Variants in LRP1B observed in about 807,000 individuals in gnomAD.
LRP1B encodes the protein LDL receptor related protein 1B, also known as low-density lipoprotein receptor-related protein 1B.
LRP1B carries 217 observed loss-of-function variants against 556.6 expected under a neutral mutation model. The ratio of observed to expected loss-of-function variants is 0.39; its 90% CI spans 0.35 to 0.44. LRP1B has a LOEUF of 0.44. Among genes scored for constraint, LRP1B ranks in the 20% least tolerant of loss-of-function variants. LRP1B has a pLI of 1.00. For missense variants in LRP1B, 5,053 were observed against 5,620.8 expected, an observed-to-expected ratio of 0.90 and a Z score of 3.23; for synonymous variants, 2,047 against 1,865.8, an observed-to-expected ratio of 1.10 and a Z score of -2.50.
intron 1 of LRP1B, among the ~76,000 whole-genome samples, chr2:141,871,965 A>G (rs903907084): frequency 6.6e-6 from 1 of 152,008 alleles, no homozygotes; most frequent in African/African-American, 2.4e-5. Context: ...GCTAAAACAG[A>G]TCACAGTGGG....
At chr2:140,715,496 A>T (rs1574274042) in intron 37 of LRP1B, among the ~76,000 whole-genome samples, 1 of 152,092 alleles carries the variant, frequency 6.6e-6, no homozygotes, top group South Asian at 2.1e-4. Context: ...CAAAACAGTT[A>T]GTTATACTTA....
At chr2:141,532,507 T>C in intron 2 of LRP1B, among the ~76,000 whole-genome samples, 1 of 144,470 alleles carries the variant, frequency 6.9e-6, no homozygotes, top group Admixed American at 6.9e-5. Context: ...AAGTCATTTT[T>C]ATTTTTTTTT....
chr2:140,854,060 T>TTAAAAAAAA (rs1559157728), intron 27 of LRP1B, among the ~76,000 whole-genome samples: 1 of 108,820 alleles, frequency 9.2e-6, no homozygotes, highest in Non-Finnish European at 2.0e-5. Context: ...CATATCTGAA[T>TTAAAAAAAA]AAAAAAAAAA....
chr2:141,449,291 C>T (rs1053421745), intron 3 of LRP1B, among the ~76,000 whole-genome samples: 11 of 152,118 alleles, frequency 7.2e-5, no homozygotes, highest in African/African-American at 1.4e-4. Flanking sequence ...ATTTCAATTA[C>T]AATGTTATGA....
intron 7 of LRP1B, among the ~76,000 whole-genome samples, chr2:141,132,379 C>T (rs1701380677): frequency 6.6e-6 from 1 of 151,878 alleles, no homozygotes; most frequent in African/African-American, 2.4e-5. Context: ...AGCCAGGATG[C>T]CCCTTAGATT....
intron 66 of LRP1B, among the ~76,000 whole-genome samples, chr2:140,429,472 G>T (rs544449101): frequency 1.3e-5 from 2 of 151,930 alleles, no homozygotes; most frequent in Non-Finnish European, 2.9e-5. Flanking sequence ...ACCCATCAGG[G>T]TCAGCAAATT....
At chr2:142,044,250 C>T (rs1021662858) in intron 1 of LRP1B, among the ~76,000 whole-genome samples, 22 of 151,686 alleles carry the variant, frequency 1.5e-4, no homozygotes, top group Admixed American at 1.1e-3. Context: ...TTCTTCTATC[C>T]GTGGGTGAAT....
intron 2 of LRP1B, among the ~76,000 whole-genome samples, chr2:141,503,406 C>T (rs1200994232): frequency 5.9e-5 from 9 of 151,488 alleles, no homozygotes; most frequent in Non-Finnish European, 1.0e-4. Flanking sequence ...AGTTTCCAAC[C>T]GTTGGTGATA....
intron 1 of LRP1B, among the ~76,000 whole-genome samples, chr2:142,033,331 A>G (rs960777839): frequency 6.6e-5 from 10 of 151,662 alleles, no homozygotes; most frequent in Admixed American, 3.3e-4. Context: ...GTCTATCTTT[A>G]AATGTTGTCA....
intron 62 of LRP1B, among the ~76,000 whole-genome samples, chr2:140,454,242 G>A (rs1686999145): frequency 6.6e-6 from 1 of 152,034 alleles, no homozygotes; most frequent in Non-Finnish European, 1.5e-5. Flanking sequence ...TCCGCCTTCT[G>A]GGTTCAAGCA....
chr2:141,158,766 C>T lies in LRP1B; in HGVS notation c.1013+29655G>A, dbSNP rs116712898. On this transcript the variant is annotated intron_variant, in intron 7 of 90. Coordinates refer to ENST00000389484, the MANE Select transcript of LRP1B (RefSeq NM_018557.3). ...AGAATATTCCTCTGATTTCCAGTCTCGGAGAACATTACAAGTAGCATTGAA... is the reference window on the plus strand; with the variant it reads ...AGAATATTCCTCTGATTTCCAGTCTTGGAGAACATTACAAGTAGCATTGAA... Among the ~76,000 whole-genome samples the T allele has an allele frequency of 1.3e-3, 195 of 152,146 alleles. 1 individual carries two copies. Among genetic ancestry groups the T allele is most frequent in the African/African-American group, 3.6e-3 (151 of 41,518 alleles).
At chr2:142,030,725 T>C (rs1451388250) in intron 1 of LRP1B, among the ~76,000 whole-genome samples, 1 of 151,832 alleles carries the variant, frequency 6.6e-6, no homozygotes, top group Admixed American at 6.6e-5. Context: ...GTAAGATTTT[T>C]ATTAGAGATG....
intron 87 of LRP1B, among the ~76,000 whole-genome samples, chr2:140,244,352 A>G (rs1217331719): frequency 6.6e-6 from 1 of 151,324 alleles, no homozygotes; most frequent in Non-Finnish European, 1.5e-5. Context: ...TTGTCACTAT[A>G]GTAAAATACA....
intron 7 of LRP1B, among the ~76,000 whole-genome samples, chr2:141,131,521 C>G (rs1229080361): frequency 4.0e-5 from 6 of 150,200 alleles, no homozygotes. Flanking sequence ...AAATGATACT[C>G]TCTTTTTTCC....
chr2:140,356,854 G>A (rs1431457492), intron 74 of LRP1B, among the ~76,000 whole-genome samples: 3 of 151,758 alleles, frequency 2.0e-5, no homozygotes, highest in Non-Finnish European at 2.9e-5. Flanking sequence ...AAGCTACCTA[G>A]AAATTTAGGC....
intron 47 of LRP1B, among the ~76,000 whole-genome samples, chr2:140,529,530 A>G (rs1574045339): frequency 2.0e-5 from 3 of 152,012 alleles, no homozygotes; most frequent in Admixed American, 2.0e-4. Flanking sequence ...CTTAGGTTCT[A>G]AGGGTGCACA....
At chr2:141,781,617 G>T (rs1695257578) in intron 2 of LRP1B, among the ~76,000 whole-genome samples, 1 of 152,086 alleles carries the variant, frequency 6.6e-6, no homozygotes, top group South Asian at 2.1e-4. Context: ...TTGAACTTCG[G>T]CAGAGGAGTA....
At chr2:141,133,633 T>A (rs1274676111) in intron 7 of LRP1B, among the ~76,000 whole-genome samples, 3 of 152,198 alleles carry the variant, frequency 2.0e-5, no homozygotes, top group South Asian at 2.1e-4. Context: ...AAGGAAGGAA[T>A]AGCTTTTGCT....
chr2:141,578,346 A>G (rs1686833529), intron 2 of LRP1B, among the ~76,000 whole-genome samples: 1 of 151,600 alleles, frequency 6.6e-6, no homozygotes, highest in African/African-American at 2.4e-5. Flanking sequence ...GCAGTGAGCC[A>G]ATATCGTGCC....
Sources: gnomAD v4.1 joint callset for allele counts (sites outside exome capture counted in the v4.1 genomes callset) on GRCh38, gnomAD v4.1.1 for gene constraint, MANE v1.5 for transcripts, NCBI Gene and HGNC (gene_info 2026-07-23, HGNC 2026-07-21) for gene names.